KIF26A: variants seen among roughly 807,000 people sequenced by gnomAD.
The protein encoded by KIF26A is kinesin family member 26A.
Under a neutral mutation model 126.0 loss-of-function variants are expected in KIF26A, and 74 were observed. That is an observed-to-expected ratio of 0.59 (90% CI 0.49 to 0.71). KIF26A has a LOEUF of 0.71. KIF26A is among the 30% of genes least tolerant of loss of function. KIF26A has a pLI of 0.00. For synonymous variants in KIF26A, 1,445 were observed against 1,232.7 expected, an observed-to-expected ratio of 1.17 and a Z score of -3.61; for missense variants, 2,984 against 2,763.3, an observed-to-expected ratio of 1.08 and a Z score of -1.79.
In KIF26A at chr14:104,176,914, AGC is replaced by A. The variant is rs1446184522; in HGVS notation, c.4127_4128del (p.Ser1376ThrfsTer33). The part of the protein sequence containing the change: ...TRKSSLEQRS[S>X]PASAPPHAVN... ...GAAGTCCAGCCTGGAGCAGAGGAGC[AGC>A]CCGGCCTCGGCCCCTCCGCATGCTG... On this transcript the variant is annotated frameshift_variant, in exon 12 of 15. Transcript: ENST00000423312. LOFTEE classifies it high-confidence loss of function. 6.5e-7 allele frequency: 1 copy of A among 1,537,864 alleles called. No individual in the cohort carries two copies. Among genetic ancestry groups the A allele is most frequent in the East Asian group, 2.4e-5 (1 of 40,826 alleles).
intron 2 of KIF26A, among the ~76,000 whole-genome samples, chr14:104,142,208 G>A (rs1596130642): frequency 6.6e-6 from 1 of 152,138 alleles, no homozygotes; most frequent in African/African-American, 2.4e-5. Context: ...AGGGGAGGGG[G>A]ACATTGTCTT....
In KIF26A at chr14:104,173,151, A is replaced by G. The variant is rs1250719845; in HGVS notation, c.1595A>G (p.Asp532Gly). Residue 532 changes from aspartate to glycine, a missense_variant, in exon 8 of 15, where the codon GAC becomes GGC. Transcript: ENST00000423312. The stretch of plus-strand genomic sequence containing the variant: ...TGCGGGCGCGACCAGAGCCTGCGGG[A>G]CCTGCTGGCCGAGGTGGCCCCTGGC... ...EVCGRDQSLR[D>G]LLAEVAPGSL... The G allele has an allele frequency of 6.2e-7, 1 of 1,610,858 alleles. No individual in the cohort carries two copies. The highest frequency in any genetic ancestry group is 1.7e-5 in the Admixed American group (1 of 59,800).
chr14:104,157,972 GTGGGCAGGGCCCCA>G, intron 4 of KIF26A, 30 bp downstream of exon 4: 1 of 1,470,302 alleles, frequency 6.8e-7, no homozygotes, highest in Non-Finnish European at 9.0e-7. Context: ...GGGCAGCCTT[GTGGGCAGGGCCCCA>G]TGGCCCCGGC....
rs1402108831 is a variant in KIF26A at position 104,152,635 on chromosome 14, TGGTGCACAGCAG to T, written c.735+175_735+186del. On this transcript the variant is annotated intron_variant, in intron 3 of 14. Transcript: ENST00000423312. This position sits in a 1 kb window ranked among gnomAD's most constrained non-coding sequence, Gnocchi z 5.9. ...GGCCCCACATCAGATGCACCCTTGA[TGGTGCACAGCAG>T]CTGTTCTCAGGTCCCTGCCTGACTC... 6.6e-6 allele frequency among the ~76,000 whole-genome samples: 1 copy of T among 152,176 alleles called. No individual in the cohort carries two copies. The highest frequency in any genetic ancestry group is 2.4e-5 in the African/African-American group (1 of 41,444).
intron 10 of KIF26A, 68 bp downstream of exon 10, chr14:104,173,936 G>C (rs960496303): frequency 2.7e-6 from 4 of 1,501,310 alleles, no homozygotes; most frequent in Non-Finnish European, 3.6e-6. Context: ...TCCGTGTCTG[G>C]TGTGCCCGGT....
In KIF26A at chr14:104,152,343, C is replaced by T; in HGVS notation, c.617C>T (p.Ser206Phe). Residue 206 changes from serine (S) to phenylalanine (F), a missense_variant, in exon 3 of 15, where the codon TCT (serine) becomes TTT (phenylalanine). Coordinates refer to ENST00000423312, the MANE Select transcript of KIF26A (RefSeq NM_015656.2). The surrounding 1 kb of genome is among the most constrained non-coding windows in gnomAD (Gnocchi z 5.9). ...TCCCCCGGGCCCAGTGTCCAGGTGT[C>T]TGTAGCACCTGCGGGTCTTGGAGGG... ...AWSPGPSVQVSVAPAGLGGAL... is the reference protein window; with the variant it reads ...AWSPGPSVQVFVAPAGLGGAL... 6.3e-7 allele frequency: 1 copy of T among 1,584,500 alleles called. No individual in the cohort carries two copies. Among genetic ancestry groups the T allele is most frequent in the Non-Finnish European group, 8.6e-7 (1 of 1,167,296 alleles).
intron 13 of KIF26A, 97 bp downstream of exon 13, chr14:104,178,852 G>A (rs1033739729): frequency 1.4e-6 from 1 of 711,908 alleles, no homozygotes; most frequent in African/African-American, 1.8e-5. Flanking sequence ...GGCCTCTGGG[G>A]GTGTGGCTGG....
In KIF26A at chr14:104,176,203, GCA is replaced by G. The variant is rs1451271082; in HGVS notation, c.3416_3417del (p.Ala1139GlyfsTer3). The G allele has an allele frequency of 1.2e-6, 2 of 1,601,378 alleles. No individual in the cohort carries two copies. Among genetic ancestry groups the G allele is most frequent in the African/African-American group, 2.7e-5 (2 of 74,740 alleles). On this transcript the variant is annotated frameshift_variant, in exon 12 of 15. Transcript: ENST00000423312. LOFTEE classifies it high-confidence loss of function. ...GCCCCGCTTCAGCCCCGACTCGCTG[GCA>G]GGGCTTGACCCTGGGGGCCCCCCTG... ...PQPRFSPDSL[A>X]GLDPGGPPAL...
At chr14:104,160,774 A>G (rs1295000561) in intron 4 of KIF26A, among the ~76,000 whole-genome samples, 3 of 152,212 alleles carry the variant, frequency 2.0e-5, no homozygotes, top group Non-Finnish European at 2.9e-5. Flanking sequence ...TTCCGTCATC[A>G]TACTCTCACC....
chr14:104,178,798 A>G, intron 13 of KIF26A, 43 bp downstream of exon 13: 1 of 1,173,538 alleles, frequency 8.5e-7, no homozygotes, highest in African/African-American at 1.6e-5. Context: ...CCTGGTGGGG[A>G]GCCTGCCGCG....
chr14:104,173,894 C>T (rs756007301), intron 10 of KIF26A, 26 bp downstream of exon 10: 49 of 1,547,504 alleles, frequency 3.2e-5, no homozygotes, highest in Middle Eastern at 1.7e-4. Flanking sequence ...GGGCAGGTGC[C>T]GACCAGGGTG....
At position 104,166,985 on chromosome 14, in the gene KIF26A, G is replaced by A. The variant is rs376906617; in HGVS notation, c.1050G>A (p.Pro350=). The A allele has an allele frequency of 3.5e-4, 552 of 1,584,248 alleles. 3 individuals are homozygous for A. The East Asian group carries it at 3.6e-3, about 10-fold the overall frequency. ...FSGVLQLWPP[P]APPCLLRAAS... is the part of the protein sequence containing the mutation. The stretch of plus-strand genomic sequence containing the variant: ...GGGTCCTGCAGCTGTGGCCGCCCCC[G>A]GCGCCCCCCTGCCTGCTCAGGGCCG... Residue 350 remains proline, a synonymous_variant, in exon 5 of 15, where the codon CCG becomes CCA. Transcript: ENST00000423312.
Position 104,152,592 on chromosome 14 carries a change from G to T in KIF26A, c.735+131G>T. On this transcript the variant is annotated intron_variant, in intron 3 of 14. Transcript: ENST00000423312. This position sits in a 1 kb window ranked among gnomAD's most constrained non-coding sequence, Gnocchi z 5.9. ...GAAGGGAGGGGACGGCGGGCATGGGGGTTCCTGACACTCCTGAGGCCCCAC... is the reference window on the plus strand; with the variant it reads ...GAAGGGAGGGGACGGCGGGCATGGGTGTTCCTGACACTCCTGAGGCCCCAC... 1 of 828,656 alleles carries T rather than the reference G, an allele frequency of 1.2e-6. No individual in the cohort carries two copies. The highest frequency in any genetic ancestry group is 1.8e-6 in the Non-Finnish European group (1 of 548,974). The allele number at this position is 828,656 out of a possible 1,614,324, so 51.3% of individuals were successfully genotyped here. A position where few individuals can be genotyped will look rare whatever the true frequency, so the allele number is the denominator to read the frequency against.
intron 2 of KIF26A, among the ~76,000 whole-genome samples, chr14:104,146,718 G>A (rs2037683502): frequency 6.6e-6 from 1 of 152,192 alleles, no homozygotes; most frequent in Non-Finnish European, 1.5e-5. Context: ...CGGCTCCTGG[G>A]GCGGCAGTGT....
At position 104,179,741 on chromosome 14, in the gene KIF26A, G is replaced by A. The variant is rs1436469527; in HGVS notation, c.5600G>A (p.Ser1867Asn). ...ATGATGGTCACCTGCTTCGACATCA[G>A]CGTTGCAGCCAGTGCTGCCATCCCG... ...HVMMVTCFDI[S>N]VAASAAIPGP... The change falls in exon 15 of 15, where the codon AGC (serine) becomes AAC (asparagine). Residue 1867 changes from serine to asparagine, a missense_variant. Ser to Asn is a conservative substitution (Grantham distance 46). Transcript: ENST00000423312. The A allele has an allele frequency of 6.4e-7, 1 of 1,554,822 alleles. No individual in the cohort carries two copies. The highest frequency in any genetic ancestry group is 1.2e-5 in the South Asian group (1 of 84,244).
chr14:104,145,265 G>A (rs564641227), intron 2 of KIF26A, among the ~76,000 whole-genome samples: 16 of 152,306 alleles, frequency 1.1e-4, no homozygotes, highest in South Asian at 8.3e-4. Context: ...GTTCACGGGC[G>A]TGCCCTGGCC....
intron 4 of KIF26A, among the ~76,000 whole-genome samples, chr14:104,166,022 C>G (rs1352996859): frequency 6.6e-6 from 1 of 152,110 alleles, no homozygotes; most frequent in Non-Finnish European, 1.5e-5. Flanking sequence ...CTGGGAGTTC[C>G]CTGGGGGCAC....
At position 104,179,753 on chromosome 14, in the gene KIF26A, G is replaced by C; in HGVS notation, c.5612G>C (p.Ser1871Thr). 1 of 1,553,444 alleles carries C rather than the reference G, an allele frequency of 6.4e-7. No homozygotes were observed. The highest frequency in any genetic ancestry group is 1.2e-5 in the South Asian group (1 of 84,026). The change falls in exon 15 of 15, where the codon AGT (serine) becomes ACT (threonine). Residue 1871 changes from serine (S) to threonine (T), a missense_variant. Coordinates refer to ENST00000423312, the MANE Select transcript of KIF26A (RefSeq NM_015656.2). ...VTCFDISVAA[S>T]AAIPGPQEVD... ...TGCTTCGACATCAGCGTTGCAGCCA[G>C]TGCTGCCATCCCGGGGCCGCAGGAG...
intron 3 of KIF26A, among the ~76,000 whole-genome samples, chr14:104,157,378 G>A (rs1020066314): frequency 6.6e-6 from 1 of 152,126 alleles, no homozygotes; most frequent in Non-Finnish European, 1.5e-5. Flanking sequence ...GAGGGTGGGG[G>A]GTCTGTGTCC....
Sources: gnomAD v4.1 joint callset for allele counts (sites outside exome capture counted in the v4.1 genomes callset) on GRCh38, gnomAD v4.1.1 for gene constraint, Gnocchi (gnomAD v3.1) non-coding constraint, MANE v1.5 for transcripts, NCBI Gene and HGNC (gene_info 2026-07-23, HGNC 2026-07-21) for gene names.